RCAN2: variants seen among roughly 807,000 people sequenced by gnomAD.
RCAN2 encodes the protein regulator of calcineurin 2.
RCAN2 carries 9 observed loss-of-function variants against 23.6 expected under a neutral mutation model. The observed-to-expected ratio is 0.38, with a 90% CI of 0.23 to 0.67. RCAN2 has a LOEUF of 0.67. Ranked by LOEUF, RCAN2 falls within the 30% of genes least tolerant of loss-of-function variation. The probability of loss-of-function intolerance (pLI) is 0.51; values close to 1 mark genes in which losing one functional copy is unlikely to be tolerated. For missense variants in RCAN2, 273 were observed against 302.3 expected (o/e 0.90, Z 0.72); for synonymous variants, 109 against 115.7 (o/e 0.94, Z 0.37).
intron 2 of RCAN2, among the ~76,000 whole-genome samples, chr6:46,439,717 C>A (rs1392437892): frequency 6.6e-6 from 1 of 152,232 alleles, no homozygotes; most frequent in Admixed American, 6.5e-5. Context: ...GCTAGGTAAC[C>A]AAATGTATAC....
chr6:46,236,580 C>A (rs1030085028), intron 4 of RCAN2, among the ~76,000 whole-genome samples: 1 of 152,068 alleles, frequency 6.6e-6, no homozygotes, highest in African/African-American at 2.4e-5. Flanking sequence ...GTGACTGCTG[C>A]AGCTTAAGGT....
intron 2 of RCAN2, among the ~76,000 whole-genome samples, chr6:46,249,329 T>C (rs1157272047): frequency 6.8e-6 from 1 of 148,070 alleles, no homozygotes; most frequent in Non-Finnish European, 1.5e-5. Flanking sequence ...TTTTTTTTTT[T>C]TTTTTTTTAG....
intron 2 of RCAN2, among the ~76,000 whole-genome samples, chr6:46,444,806 G>A (rs1294216162): frequency 6.6e-6 from 1 of 152,072 alleles, no homozygotes; most frequent in Non-Finnish European, 1.5e-5. Context: ...TAGGCTCCAG[G>A]ACCACCCCTT....
At chr6:46,394,724 C>G (rs1045924088) in intron 2 of RCAN2, among the ~76,000 whole-genome samples, 4 of 152,154 alleles carry the variant, frequency 2.6e-5, no homozygotes, top group African/African-American at 9.7e-5. Context: ...ACCTGCTTTA[C>G]CTTTTAACAG....
At chr6:46,309,614 T>C (rs1182480156) in intron 2 of RCAN2, among the ~76,000 whole-genome samples, 1 of 152,154 alleles carries the variant, frequency 6.6e-6, no homozygotes, top group Non-Finnish European at 1.5e-5. Context: ...ATCAATGACC[T>C]ATCCTCATTC....
At chr6:46,371,567 A>G (rs1331038429) in intron 2 of RCAN2, among the ~76,000 whole-genome samples, 11 of 152,234 alleles carry the variant, frequency 7.2e-5, no homozygotes, top group Admixed American at 7.2e-4. Context: ...GGGTGTCAGG[A>G]TAGTCTTGGC....
chr6:46,347,973 C>G (rs1357966911), intron 2 of RCAN2, among the ~76,000 whole-genome samples: 1 of 152,128 alleles, frequency 6.6e-6, no homozygotes, highest in East Asian at 1.9e-4. Flanking sequence ...TAAGTAAGAC[C>G]TTTTATTGTT....
intron 2 of RCAN2, among the ~76,000 whole-genome samples, chr6:46,315,917 GAAAAGAGGTTTGGAAGAGACAA>G (rs1763420164): frequency 9.8e-5 from 1 of 10,160 alleles, no homozygotes; most frequent in Non-Finnish European, 4.2e-4. Flanking sequence ...GAAGAGACAA[GAAAAGAGGTTTGGAAGAGACAA>G]GAAAAGAGGT....
chr6:46,225,152 T>C (rs1288256299), intron 4 of RCAN2, among the ~76,000 whole-genome samples: 1 of 152,236 alleles, frequency 6.6e-6, no homozygotes, highest in Non-Finnish European at 1.5e-5. Context: ...ATGGTGCATA[T>C]GTGCCACCTT....
intron 2 of RCAN2, among the ~76,000 whole-genome samples, chr6:46,318,138 G>A (rs1204723751): frequency 6.6e-6 from 1 of 152,176 alleles, no homozygotes; most frequent in Non-Finnish European, 1.5e-5. Flanking sequence ...GCTCAACTTA[G>A]TAAACAGTCC....
At chr6:46,253,642 C>T (rs1766806294) in intron 2 of RCAN2, among the ~76,000 whole-genome samples, 1 of 152,032 alleles carries the variant, frequency 6.6e-6, no homozygotes, top group Non-Finnish European at 1.5e-5. Flanking sequence ...GTAAAATTGG[C>T]ATTTTCTTTT....
intron 4 of RCAN2, among the ~76,000 whole-genome samples, chr6:46,231,786 A>G (rs569550392): frequency 1.3e-5 from 2 of 152,230 alleles, no homozygotes; most frequent in East Asian, 1.9e-4. Flanking sequence ...CATTCAGTTA[A>G]GAGTCAGAGA....
At chr6:46,259,800 C>T (rs947178428) in intron 2 of RCAN2, among the ~76,000 whole-genome samples, 8 of 152,170 alleles carry the variant, frequency 5.3e-5, no homozygotes, top group East Asian at 1.9e-4. Context: ...TCCTCAGGTT[C>T]GATCATTTGC....
chr6:46,385,940 C>A (rs6900960), intron 2 of RCAN2, among the ~76,000 whole-genome samples: 4,759 of 149,698 alleles, frequency 0.032, 241 homozygotes, highest in African/African-American at 0.11. Flanking sequence ...CTAGCCAATA[C>A]CATTCAGGAC....
chr6:46,366,665 C>A (rs1765179056), intron 2 of RCAN2, among the ~76,000 whole-genome samples: 1 of 152,018 alleles, frequency 6.6e-6, no homozygotes, highest in Admixed American at 6.6e-5. Flanking sequence ...CACCACCCCC[C>A]AACCCAGGGA....
At chr6:46,408,245 C>G (rs143134137) in intron 2 of RCAN2, among the ~76,000 whole-genome samples, 33 of 152,260 alleles carry the variant, frequency 2.2e-4, no homozygotes, top group African/African-American at 7.9e-4. Context: ...TAATTTTGCT[C>G]AGGTACCTGT....
chr6:46,451,594 C>G (rs532131267), intron 2 of RCAN2, among the ~76,000 whole-genome samples: 1 of 152,214 alleles, frequency 6.6e-6, no homozygotes, highest in African/African-American at 2.4e-5. Context: ...CAGTAAAAAC[C>G]ACAAATAATC....
chr6:46,456,682 T>G (rs1768041939), intron 2 of RCAN2, 70 bp downstream of exon 2: 4 of 1,191,142 alleles, frequency 3.4e-6, no homozygotes, highest in Non-Finnish European at 4.8e-6. Context: ...CAACCACAAA[T>G]GAACAACAGG....
chr6:46,223,324 G>T, intron 4 of RCAN2, 23 bp from the exon 5 acceptor site: 1 of 1,607,826 alleles, frequency 6.2e-7, no homozygotes, highest in Non-Finnish European at 8.5e-7. Context: ...AAAAATGGAA[G>T]TGAGAAAGAG....
Sources: allele counts gnomAD v4.1 joint callset (sites outside exome capture counted in the v4.1 genomes callset), GRCh38; gene constraint gnomAD v4.1.1; transcripts MANE v1.5; gene names NCBI Gene and HGNC (gene_info 2026-07-23, HGNC 2026-07-21).